Variants in DPP10 observed in about 807,000 individuals in gnomAD.
The protein encoded by DPP10 is dipeptidyl peptidase like 10, also known as inactive dipeptidyl peptidase 10.
A neutral mutation model predicts 120.9 loss-of-function variants in DPP10; 33 were observed. That is an observed-to-expected ratio of 0.27 (90% CI 0.21 to 0.37). The LOEUF is 0.37. Ranked by LOEUF, DPP10 falls within the 10% of genes least tolerant of loss-of-function variation. DPP10 has a pLI of 1.00. For synonymous variants in DPP10, 337 were observed against 326.1 expected (o/e 1.03, Z -0.36); for missense variants, 816 against 942.8 (o/e 0.87, Z 1.76).
chr2:115,162,235 T>G, intron 1 of DPP10: 1 of 1,561,342 alleles, frequency 6.4e-7, no homozygotes, highest in Non-Finnish European at 8.7e-7. Flanking sequence ...GGCGAGAGGA[T>G]GCGCAAGGTG....
chr2:114,733,978 A>T (rs760569608), intron 1 of DPP10, among the ~76,000 whole-genome samples: 1 of 152,162 alleles, frequency 6.6e-6, no homozygotes, highest in Non-Finnish European at 1.5e-5. Context: ...ATTTCTATCT[A>T]AGGGGTCTAG....
At chr2:115,336,462 A>C (rs187822980) in intron 2 of DPP10, among the ~76,000 whole-genome samples, 1 of 151,984 alleles carries the variant, frequency 6.6e-6, no homozygotes, top group East Asian at 1.9e-4. Flanking sequence ...TTGTGTCCCT[A>C]TTCATAATTA....
In DPP10 at chr2:115,830,541, T is replaced by C. The variant is rs1688814646; in HGVS notation, c.1951-5616T>C. ...TTTTTTTGAAGTGTTGGAAATACAG[T>C]GGTCAAAGAGTAGAAGAAAAGTCTT... is the stretch of plus-strand genomic sequence containing the variant. On this transcript the variant is annotated intron_variant, in intron 21 of 25. Coordinates refer to ENST00000410059, the MANE Select transcript of DPP10 (RefSeq NM_020868.6). Among the ~76,000 whole-genome samples, 3 of 152,190 alleles carry C rather than the reference T, an allele frequency of 2.0e-5. No individual in the cohort carries two copies. In the South Asian group the frequency reaches 6.2e-4, roughly 32 times the overall value.
chr2:114,497,319 GTATACGTGTA>G, intron 1 of DPP10, among the ~76,000 whole-genome samples: 10 of 18,766 alleles, frequency 5.3e-4, no homozygotes, highest in African/African-American at 1.2e-3. Context: ...ACATGTACAT[GTATACGTGTA>G]TACATGTACA....
intron 5 of DPP10, among the ~76,000 whole-genome samples, chr2:115,686,774 C>T (rs547632687): frequency 6.6e-6 from 1 of 152,156 alleles, no homozygotes; most frequent in Admixed American, 6.6e-5. Context: ...ATTCTGTCCA[C>T]TCCCACTGCC....
Position 115,317,725 on chromosome 2 carries a change from G to A in DPP10, c.175+8372G>A, listed in dbSNP as rs183305488. ...CATTTCCCTAATAATTAACTATGTT[G>A]ACTGAGTATCTTCTTATGTGTCTAT... On this transcript the variant is annotated intron_variant, in intron 2 of 25. Transcript: ENST00000410059. 2.4e-4 allele frequency among the ~76,000 whole-genome samples: 36 copies of A among 149,466 alleles called. 1 individual carries two copies. Among genetic ancestry groups the A allele is most frequent in the Admixed American group, 2.4e-3 (36 of 14,960 alleles).
chr2:115,835,673 A>G (rs1224322320), intron 21 of DPP10, among the ~76,000 whole-genome samples: 1 of 152,218 alleles, frequency 6.6e-6, no homozygotes, highest in African/African-American at 2.4e-5. Flanking sequence ...TCTGAACTCT[A>G]TAAGAAATTA....
intron 1 of DPP10, among the ~76,000 whole-genome samples, chr2:114,699,602 T>C (rs988559463): frequency 2.0e-5 from 3 of 152,114 alleles, no homozygotes; most frequent in Non-Finnish European, 4.4e-5. Flanking sequence ...GAGGATAACA[T>C]TGTAAACCCT....
chr2:114,771,655 A>C (rs1574149805), intron 1 of DPP10, among the ~76,000 whole-genome samples: 1 of 152,202 alleles, frequency 6.6e-6, no homozygotes, highest in South Asian at 2.1e-4. Context: ...GCCGGGAGGA[A>C]ACTCACTTGT....
At chr2:115,202,191 A>G (rs1193056284) in intron 1 of DPP10, among the ~76,000 whole-genome samples, 1 of 152,080 alleles carries the variant, frequency 6.6e-6, no homozygotes, top group Non-Finnish European at 1.5e-5. Context: ...AGCCTCCTAA[A>G]GTGCTAGAAT....
chr2:114,694,409 G>A (rs188274106), intron 1 of DPP10, among the ~76,000 whole-genome samples: 15 of 151,832 alleles, frequency 9.9e-5, no homozygotes, highest in Non-Finnish European at 1.3e-4. Flanking sequence ...ATTTATAATC[G>A]AAACATAGTT....
intron 1 of DPP10, among the ~76,000 whole-genome samples, chr2:115,141,776 T>A (rs1382652807): frequency 6.6e-6 from 1 of 152,170 alleles, no homozygotes; most frequent in East Asian, 1.9e-4. Context: ...TTTTGTTTAT[T>A]TGTGTTTGCC....
intron 4 of DPP10, among the ~76,000 whole-genome samples, chr2:115,512,450 C>T (rs1302492495): frequency 6.6e-6 from 1 of 151,910 alleles, no homozygotes; most frequent in Non-Finnish European, 1.5e-5. Flanking sequence ...TTCTTTCTTT[C>T]TTCCTTTCTT....
At chr2:115,552,627 CA>C (rs1463318963) in intron 5 of DPP10, among the ~76,000 whole-genome samples, 4 of 151,960 alleles carry the variant, frequency 2.6e-5, no homozygotes, top group Non-Finnish European at 5.9e-5. Context: ...TGTGATAAAA[CA>C]GGGGCAAATT....
intron 11 of DPP10, among the ~76,000 whole-genome samples, chr2:115,755,817 C>T (rs2149763698): frequency 6.6e-6 from 1 of 151,878 alleles, no homozygotes; most frequent in South Asian, 2.1e-4. Flanking sequence ...TGCAGCTGTG[C>T]TCATAATAGT....
chr2:114,793,131 TA>T (rs1683392910), intron 1 of DPP10, among the ~76,000 whole-genome samples: 1 of 152,072 alleles, frequency 6.6e-6, no homozygotes, highest in Non-Finnish European at 1.5e-5. Flanking sequence ...CAGATTCCCT[TA>T]ATTTTTTTAT....
At chr2:115,263,362 C>A (rs1042785285) in intron 1 of DPP10, among the ~76,000 whole-genome samples, 2 of 152,182 alleles carry the variant, frequency 1.3e-5, no homozygotes, top group Non-Finnish European at 2.9e-5. Context: ...GTCACTTAAA[C>A]CAAGTCTGTG....
chr2:115,142,125 G>T (rs1382364277), intron 1 of DPP10, among the ~76,000 whole-genome samples: 1 of 152,148 alleles, frequency 6.6e-6, no homozygotes, highest in East Asian at 1.9e-4. Flanking sequence ...TCTTGTTCTT[G>T]AGAATTTCCT....
At chr2:115,006,314 G>A (rs1373163911) in intron 1 of DPP10, among the ~76,000 whole-genome samples, 1 of 151,230 alleles carries the variant, frequency 6.6e-6, no homozygotes, top group African/African-American at 2.4e-5. Flanking sequence ...ATCAACTAAC[G>A]AGCAAAATAA....
Sources: gnomAD v4.1 joint callset for allele counts (sites outside exome capture counted in the v4.1 genomes callset) on GRCh38, gnomAD v4.1.1 for gene constraint, MANE v1.5 for transcripts, NCBI Gene and HGNC (gene_info 2026-07-23, HGNC 2026-07-21) for gene names.